The following CHRNA3 variants were observed in gnomAD, a reference collection of about 807,000 sequenced individuals.
The protein encoded by CHRNA3 is cholinergic receptor nicotinic alpha 3 subunit, also known as neuronal acetylcholine receptor subunit alpha-3.
In CHRNA3, 34 loss-of-function variants were observed where a neutral mutation model predicts 41.9. The ratio of observed to expected loss-of-function variants is 0.81; its 90% CI spans 0.62 to 1.08. The LOEUF (loss-of-function observed/expected upper bound fraction) is 1.08. CHRNA3 is among the 50% of genes least tolerant of loss of function. The pLI is 0.00. For missense variants in CHRNA3, 542 were observed against 638.3 expected, an observed-to-expected ratio of 0.85 and a Z score of 1.63; for synonymous variants, 281 against 265.2, an observed-to-expected ratio of 1.06 and a Z score of -0.58.
rs76878931 is a variant in CHRNA3 at position 78,616,556 on chromosome 15, G to A, written c.377+468C>T. ...TGCTAACAGATGCTACATTCCAGGT[G>A]CCCCGGGCATCTGAGCCTTCCCCCT... On this transcript the variant is annotated intron_variant, in intron 4 of 5. Coordinates refer to ENST00000326828, the MANE Select transcript of CHRNA3 (RefSeq NM_000743.5). Among the ~76,000 whole-genome samples, 1,282 of 152,174 alleles carry A rather than the reference G, an allele frequency of 8.4e-3. 115 individuals are homozygous for A. The East Asian group carries it at 0.22, about 26-fold the overall frequency.
chr15:78,594,522 C>CA (rs149128996), downstream of CHRNA3: 1 of 152,074 alleles, frequency 6.6e-6, no homozygotes, highest in Non-Finnish European at 1.5e-5. Flanking sequence ...ACTAAGAATA[C>CA]AAAAAATTAG....
intron 5 of CHRNA3, among the ~76,000 whole-genome samples, chr15:78,597,912 T>G (rs2141320699): frequency 6.6e-6 from 1 of 152,310 alleles, no homozygotes; most frequent in East Asian, 1.9e-4. Flanking sequence ...GTAAATGTGT[T>G]CTCTTGGTGA....
downstream of CHRNA3, chr15:78,593,681 TTATACTGCTATATTTAAAAAGCTG>T (rs992150293): frequency 2.0e-5 from 3 of 152,976 alleles, no homozygotes; most frequent in African/African-American, 7.2e-5. Flanking sequence ...TAATATAATA[TTATACTGCTATATTTAAAAAGCTG>T]ACTACTTGAT....
chr15:78,619,046 C>T, intron 1 of CHRNA3, 131 bp from the exon 2 acceptor site: 2 of 1,095,512 alleles, frequency 1.8e-6, no homozygotes, highest in Non-Finnish European at 2.6e-6. Context: ...CCTAGACTTT[C>T]AGGCCAGTCT....
chr15:78,606,660 C>CAGATGA lies in CHRNA3; in HGVS notation c.378-4397_378-4396insTCATCT, dbSNP rs565920857. Among the ~76,000 whole-genome samples, 567 of 151,974 alleles carry CAGATGA rather than the reference C, an allele frequency of 3.7e-3. 2 individuals carry two copies. Among genetic ancestry groups the CAGATGA allele is most frequent in the Non-Finnish European group, 6.1e-3 (414 of 67,952 alleles). Reference sequence around the variant, plus strand: ...CCTGTAATCCCAGCACTTTGGGAGGCCGAGGTGAGTGGATGACGAGGTCAG... The same window carrying CAGATGA: ...CCTGTAATCCCAGCACTTTGGGAGGCAGATGACGAGGTGAGTGGATGACGAGGTCAG... On this transcript the variant is annotated intron_variant, in intron 4 of 5. Transcript: ENST00000326828.
chr15:78,608,706 C>T (rs184793405), intron 4 of CHRNA3, among the ~76,000 whole-genome samples: 2 of 152,194 alleles, frequency 1.3e-5, no homozygotes, highest in East Asian at 3.9e-4. Context: ...AGCTCCTCAC[C>T]AGCAATGGAA....
At position 78,618,890 on chromosome 15, in the gene CHRNA3, G is replaced by A. The variant is rs1435204809; in HGVS notation, c.108C>T (p.His36=). Residue 36 remains histidine (H), a synonymous_variant, in exon 2 of 6, where the codon CAC becomes CAT. Coordinates refer to ENST00000326828, the MANE Select transcript of CHRNA3 (RefSeq NM_000743.5). ...CTTCAAACAGCCGCTCAAATAGACG[G>A]TGCTCAGCCTCTGAGGCCCTGGCCA... ...LPVARASEAE[H]RLFERLFEDY... 7 of 1,613,762 alleles carry A rather than the reference G, an allele frequency of 4.3e-6. No homozygotes were observed. The highest frequency in any genetic ancestry group is 5.9e-6 in the Non-Finnish European group (7 of 1,180,012).
chr15:78,610,954 TA>T (rs2053371063), intron 4 of CHRNA3, among the ~76,000 whole-genome samples: 1 of 152,044 alleles, frequency 6.6e-6, no homozygotes, highest in African/African-American at 2.4e-5. Context: ...TCTACGCAAA[TA>T]AACTAGAAAA....
intron 4 of CHRNA3, among the ~76,000 whole-genome samples, chr15:78,603,496 G>A (rs927043783): frequency 2.6e-5 from 4 of 152,208 alleles, no homozygotes; most frequent in South Asian, 2.1e-4. Flanking sequence ...AACATTCCTC[G>A]GATCAGCCCT....
At chr15:78,618,162 G>A (rs2053493444) in intron 3 of CHRNA3, among the ~76,000 whole-genome samples, 1 of 152,178 alleles carries the variant, frequency 6.6e-6, no homozygotes, top group South Asian at 2.1e-4. Flanking sequence ...CAGGAGAACT[G>A]CTTGAACCCT....
At chr15:78,613,754 T>G (rs1261774937) in intron 4 of CHRNA3, among the ~76,000 whole-genome samples, 21 of 93,748 alleles carry the variant, frequency 2.2e-4, no homozygotes, top group Non-Finnish European at 3.0e-4. Flanking sequence ...TGTAAAGCAG[T>G]GGCAAACAAA....
chr15:78,602,132 G>C lies in CHRNA3; in HGVS notation c.510C>G (p.Tyr170Ter). ...AACCGAACTTCATGGTACAGTTTTGGTAATCAAACGGGAAGTAGGTCACGT... is the reference window on the plus strand; with the variant it reads ...AACCGAACTTCATGGTACAGTTTTGCTAATCAAACGGGAAGTAGGTCACGT... ...KIDVTYFPFD[Y>*]QNCTMKFGSW... The change falls in exon 5 of 6, where the codon TAC becomes TAG. Residue 170 changes from tyrosine to a stop codon, truncating the protein, a stop_gained. Transcript: ENST00000326828. LOFTEE classifies it high-confidence loss of function. 3 of 1,614,064 alleles carry C rather than the reference G, an allele frequency of 1.9e-6. No homozygotes were observed. The highest frequency in any genetic ancestry group is 2.5e-6 in the Non-Finnish European group (3 of 1,180,032).
Position 78,620,735 on chromosome 15 carries a change from CAG to C in CHRNA3, c.58_59del (p.Leu20AlafsTer15). On this transcript the variant is annotated frameshift_variant, in exon 1 of 6. Coordinates refer to ENST00000326828, the MANE Select transcript of CHRNA3 (RefSeq NM_000743.5). LOFTEE classifies it high-confidence loss of function. ...TACCTGGCAGCAGAGACAGCAGCAGCAGCAGCAGCAGCCGCGGCGGCGACAGC... is the reference window on the plus strand; with the variant it reads ...TACCTGGCAGCAGAGACAGCAGCAGCCAGCAGCAGCCGCGGCGGCGACAGC... Reference protein sequence around the residue: ...LALSPPRLLLLLLLSLLPVAR... With the variant: ...LALSPPRLLLXLLLSLLPVAR... The C allele has an allele frequency of 6.7e-7, 1 of 1,500,420 alleles. No individual in the cohort carries two copies. Among genetic ancestry groups the C allele is most frequent in the Non-Finnish European group, 8.8e-7 (1 of 1,131,500 alleles). The allele number at this position is 1,500,420 out of a possible 1,614,324, so 92.9% of individuals were successfully genotyped here.
Position 78,596,486 on chromosome 15 carries a change from C to A in CHRNA3, c.*118G>T. The stretch of plus-strand genomic sequence containing the variant: ...CAAGATAAGTGGAAAATAAGTAAAC[C>A]TCGAAATGCCAAAAACAAAGCTGGT... On this transcript the variant is annotated 3_prime_UTR_variant, in exon 6 of 6. Transcript: ENST00000326828. 4 of 1,318,304 alleles carry A rather than the reference C, an allele frequency of 3.0e-6. No individual in the cohort carries two copies. Among genetic ancestry groups the A allele is most frequent in the South Asian group, 5.3e-5 (2 of 37,942 alleles). The allele number at this position is 1,318,304 out of a possible 1,614,324, so 81.7% of individuals were successfully genotyped here. A position where few individuals can be genotyped will look rare whatever the true frequency, so the allele number is the denominator to read the frequency against.
chr15:78,619,648 T>G (rs1054241110), intron 1 of CHRNA3: 1 of 152,274 alleles, frequency 6.6e-6, no homozygotes, highest in Non-Finnish European at 1.5e-5. Context: ...TGATGCTGTC[T>G]TCATATCCTG....
intron 4 of CHRNA3, among the ~76,000 whole-genome samples, chr15:78,607,740 G>A (rs943248433): frequency 1.1e-4 from 16 of 152,202 alleles, no homozygotes; most frequent in East Asian, 9.6e-4. Context: ...TGGGTGCAGC[G>A]CACTGTGCAT....
intron 4 of CHRNA3, among the ~76,000 whole-genome samples, chr15:78,615,529 G>A (rs1245522311): frequency 7.4e-6 from 1 of 134,514 alleles, no homozygotes; most frequent in Non-Finnish European, 1.6e-5. Context: ...GGCCAGATCA[G>A]GGATCCCCAA....
At chr15:78,613,533 A>G (rs1485267652) in intron 4 of CHRNA3, among the ~76,000 whole-genome samples, 1 of 138,250 alleles carries the variant, frequency 7.2e-6, no homozygotes, top group Non-Finnish European at 1.5e-5. Context: ...GAACACATGG[A>G]CACAGGAAGG....
In CHRNA3 at chr15:78,612,273, A is replaced by G. The variant is rs534987994; in HGVS notation, c.377+4751T>C. ...CGCATCGCCAAGTCAATCCTAAGCC[A>G]AAAGAACAAAGCTGGAGGCATCACA... On this transcript the variant is annotated intron_variant, in intron 4 of 5. Transcript: ENST00000326828. 3.3e-5 allele frequency among the ~76,000 whole-genome samples: 5 copies of G among 150,530 alleles called. No individual in the cohort carries two copies. In the South Asian group the frequency reaches 6.3e-4, roughly 19 times the overall value.
Sources: allele counts gnomAD v4.1 joint callset (sites outside exome capture counted in the v4.1 genomes callset), GRCh38; gene constraint gnomAD v4.1.1; transcripts MANE v1.5; gene names NCBI Gene and HGNC (gene_info 2026-07-23, HGNC 2026-07-21).